SGPP1: variants seen among roughly 807,000 people sequenced by gnomAD.
The protein encoded by SGPP1 is hSPP1.
In SGPP1, 21 loss-of-function variants were observed where a neutral mutation model predicts 33.0. The observed-to-expected ratio is 0.64, with a 90% CI of 0.45 to 0.92. SGPP1 has a LOEUF of 0.92. SGPP1 is among the 40% of genes least tolerant of loss of function. The probability of loss-of-function intolerance (pLI) is 0.00; values close to 1 mark genes in which losing one functional copy is unlikely to be tolerated. For synonymous variants in SGPP1, 239 were observed against 241.2 expected (o/e 0.99, Z 0.08); for missense variants, 543 against 589.4 (o/e 0.92, Z 0.81).
chr14:63,717,617 C>T (rs577182146), intron 1 of SGPP1, among the ~76,000 whole-genome samples: 20 of 152,170 alleles, frequency 1.3e-4, no homozygotes, highest in Non-Finnish European at 2.6e-4. Flanking sequence ...CCACCACACC[C>T]GTACTGAAAT....
intron 1 of SGPP1, among the ~76,000 whole-genome samples, chr14:63,721,033 C>T (rs1179342951): frequency 3.9e-5 from 6 of 152,338 alleles, no homozygotes; most frequent in African/African-American, 9.6e-5. Context: ...CAGGCACCTG[C>T]CACCACACCC....
At chr14:63,705,461 A>C (rs540503113) in intron 1 of SGPP1, among the ~76,000 whole-genome samples, 1 of 151,666 alleles carries the variant, frequency 6.6e-6, no homozygotes, top group East Asian at 1.9e-4. Context: ...TGAGCCCAGG[A>C]GTTTGAGATG....
At chr14:63,714,399 A>G (rs1403280747) in intron 1 of SGPP1, among the ~76,000 whole-genome samples, 1 of 152,064 alleles carries the variant, frequency 6.6e-6, no homozygotes, top group East Asian at 1.9e-4. Context: ...TTTGTACTTC[A>G]CTTTTTTAAC....
chr14:63,727,971 C>G lies in SGPP1; in HGVS notation c.-27G>C, dbSNP rs2139660041. The G allele has an allele frequency of 6.5e-7, 1 of 1,528,066 alleles. No homozygotes were observed. 94.7% of individuals were successfully genotyped at this position (1,528,066 alleles called of 1,614,324 possible). A position where few individuals can be genotyped will look rare whatever the true frequency, so the allele number is the denominator to read the frequency against. On this transcript the variant is annotated 5_prime_UTR_variant, in exon 1 of 3. Transcript: ENST00000247225. The stretch of plus-strand genomic sequence containing the variant: ...ATAACGGAACCCCCGGGAAGGCGGG[C>G]CGGCCTCCGGCGCAGCCCCGAACTG...
chr14:63,722,432 G>C (rs1042822904), intron 1 of SGPP1, among the ~76,000 whole-genome samples: 3 of 151,286 alleles, frequency 2.0e-5, no homozygotes, highest in Non-Finnish European at 4.4e-5. Flanking sequence ...TCAGGAGGCT[G>C]AAGTAGGAGA....
At chr14:63,721,126 G>A (rs1403488200) in intron 1 of SGPP1, among the ~76,000 whole-genome samples, 5 of 152,168 alleles carry the variant, frequency 3.3e-5, no homozygotes, top group Admixed American at 6.5e-5. Flanking sequence ...CAGGCGATCC[G>A]TTCGTCTCGG....
rs749171001 is a variant in SGPP1, at chr14:63,686,422, A to C, written c.1009T>G (p.Tyr337Asp). ...AGIACGSHVT[Y>D]NMGLVLDPSL... Reference sequence around the variant, plus strand: ...GGATCTAATACTAGACCCATGTTATAAGTAACATGAGATCCACATGCAATT... The same window carrying C: ...GGATCTAATACTAGACCCATGTTATCAGTAACATGAGATCCACATGCAATT... The change falls in exon 3 of 3, where the codon TAT (tyrosine) becomes GAT (aspartate). Residue 337 changes from tyrosine (Y) to aspartate (D), a missense_variant. Tyr to Asp is a radical substitution (Grantham distance 160). Transcript: ENST00000247225. 1 of 1,613,826 alleles carries C rather than the reference A, an allele frequency of 6.2e-7. No individual in the cohort carries two copies. The highest frequency in any genetic ancestry group is 1.1e-5 in the South Asian group (1 of 91,074).
At chr14:63,694,835 C>T (rs1885156431) in intron 2 of SGPP1, among the ~76,000 whole-genome samples, 1 of 152,022 alleles carries the variant, frequency 6.6e-6, no homozygotes, top group Non-Finnish European at 1.5e-5. Context: ...AACTCTTATA[C>T]CCCAAAATTT....
At chr14:63,700,247 C>T (rs892661692) in intron 1 of SGPP1, among the ~76,000 whole-genome samples, 1 of 152,050 alleles carries the variant, frequency 6.6e-6, no homozygotes, top group Admixed American at 6.6e-5. Context: ...TGCTGAAGAC[C>T]TACCCATTTC....
intron 1 of SGPP1, among the ~76,000 whole-genome samples, chr14:63,715,410 A>T (rs1334658329): frequency 6.6e-6 from 1 of 152,042 alleles, no homozygotes; most frequent in Non-Finnish European, 1.5e-5. Flanking sequence ...TATGTATGTT[A>T]TTATTGTCTA....
chr14:63,712,201 T>C (rs1885536609), intron 1 of SGPP1, among the ~76,000 whole-genome samples: 1 of 152,168 alleles, frequency 6.6e-6, no homozygotes, highest in African/African-American at 2.4e-5. Context: ...TTTTTTTAAT[T>C]TATTTTCTAA....
At chr14:63,713,009 C>T (rs1047073116) in intron 1 of SGPP1, among the ~76,000 whole-genome samples, 1 of 152,044 alleles carries the variant, frequency 6.6e-6, no homozygotes, top group African/African-American at 2.4e-5. Flanking sequence ...TTCTCAGCCT[C>T]CCAAAGTTCT....
At chr14:63,719,625 T>C (rs1020834526) in intron 1 of SGPP1, among the ~76,000 whole-genome samples, 1 of 151,996 alleles carries the variant, frequency 6.6e-6, no homozygotes, top group South Asian at 2.1e-4. Context: ...TGTATAGAAA[T>C]AGTCAACTTA....
At chr14:63,722,926 C>T (rs963602426) in intron 1 of SGPP1, among the ~76,000 whole-genome samples, 23 of 149,206 alleles carry the variant, frequency 1.5e-4, no homozygotes, top group Non-Finnish European at 2.1e-4. Flanking sequence ...GAGCCGGAAT[C>T]GTGCCACTGT....
At chr14:63,714,884 C>T (rs569658785) in intron 1 of SGPP1, among the ~76,000 whole-genome samples, 15 of 151,886 alleles carry the variant, frequency 9.9e-5, no homozygotes, top group African/African-American at 2.2e-4. Context: ...CACACCACCA[C>T]GCCTGGCTAA....
intron 1 of SGPP1, among the ~76,000 whole-genome samples, chr14:63,716,013 T>C (rs78407745): frequency 0.012 from 1,781 of 152,226 alleles, 50 homozygotes; most frequent in African/African-American, 0.041. Context: ...GGATTTAAAC[T>C]GACAAGTAAT....
intron 1 of SGPP1, among the ~76,000 whole-genome samples, chr14:63,711,900 G>C (rs775210433): frequency 5.3e-5 from 8 of 151,806 alleles, no homozygotes; most frequent in Non-Finnish European, 1.0e-4. Context: ...CGTGGTGGTA[G>C]GCACCTGTAA....
At chr14:63,723,576 G>A (rs763053277) in intron 1 of SGPP1, among the ~76,000 whole-genome samples, 2 of 151,928 alleles carry the variant, frequency 1.3e-5, no homozygotes, top group Admixed American at 1.3e-4. Context: ...AACATTAGCC[G>A]GGGGTGGTGG....
intron 1 of SGPP1, among the ~76,000 whole-genome samples, chr14:63,708,231 C>T (rs1228808093): frequency 6.7e-6 from 1 of 149,446 alleles, no homozygotes; most frequent in Non-Finnish European, 1.5e-5. Context: ...TCTTGGTACT[C>T]ACTGGCTATA....
Sources: gnomAD v4.1 joint callset for allele counts (sites outside exome capture counted in the v4.1 genomes callset) on GRCh38, gnomAD v4.1.1 for gene constraint, MANE v1.5 for transcripts, NCBI Gene and HGNC (gene_info 2026-07-23, HGNC 2026-07-21) for gene names.